The following MTHFD2L variants were observed in gnomAD, a reference collection of about 807,000 sequenced individuals.
MTHFD2L encodes the protein methylenetetrahydrofolate dehydrogenase (NADP+ dependent) 2 like, also known as bifunctional methylenetetrahydrofolate dehydrogenase/cyclohydrolase 2, mitochondrial.
Under a neutral mutation model 34.9 loss-of-function variants are expected in MTHFD2L, and 29 were observed. That is an observed-to-expected ratio of 0.83 (90% confidence interval 0.62 to 1.13). The LOEUF (loss-of-function observed/expected upper bound fraction) is 1.13, where lower values mean the gene tolerates loss of function less well. MTHFD2L is among the 50% of genes most tolerant of loss of function. MTHFD2L has a pLI of 0.00. For missense variants in MTHFD2L, 481 were observed against 446.5 expected, an observed-to-expected ratio of 1.08 and a Z score of -0.70; for synonymous variants, 167 against 155.7, an observed-to-expected ratio of 1.07 and a Z score of -0.54.
At chr4:74,289,288 G>A (rs1748586939) in intron 7 of MTHFD2L, among the ~76,000 whole-genome samples, 2 of 152,190 alleles carry the variant, frequency 1.3e-5, no homozygotes, top group African/African-American at 4.8e-5. Context: ...CTGAATAAAT[G>A]AAGAAGGGAG....
chr4:74,208,367 T>A (rs1578471358), intron 5 of MTHFD2L, among the ~76,000 whole-genome samples: 1 of 152,218 alleles, frequency 6.6e-6, no homozygotes, highest in East Asian at 1.9e-4. Context: ...ATTTAGTATC[T>A]GCACAGCACT....
intron 3 of MTHFD2L, chr4:74,195,282 G>T (rs1733279072): frequency 6.6e-6 from 1 of 152,174 alleles, no homozygotes; most frequent in South Asian, 2.1e-4. Flanking sequence ...ACATTGCAGG[G>T]TTTTGAGAAA....
At chr4:74,125,821 A>G (rs1306716493) in intron 1 of MTHFD2L, among the ~76,000 whole-genome samples, 1 of 152,196 alleles carries the variant, frequency 6.6e-6, no homozygotes, top group African/African-American at 2.4e-5. Context: ...TAAAAATTTT[A>G]CTTGTATTTA....
upstream of MTHFD2L, among the ~76,000 whole-genome samples, chr4:74,154,981 T>A (rs1724154254): frequency 6.6e-6 from 1 of 152,158 alleles, no homozygotes; most frequent in Non-Finnish European, 1.5e-5. Flanking sequence ...CTCCCATTGC[T>A]TATCTGTAAA....
At chr4:74,115,173 C>A (rs954898218) in intron 2 of MTHFD2L, among the ~76,000 whole-genome samples, 1 of 152,156 alleles carries the variant, frequency 6.6e-6, no homozygotes, top group East Asian at 1.9e-4. Flanking sequence ...AAATATCTAT[C>A]TGGTATAAAA....
At chr4:74,137,617 C>T (rs515780) in intron 1 of MTHFD2L, among the ~76,000 whole-genome samples, 151,169 of 152,318 alleles carry the variant, frequency 0.99, 75,027 homozygotes, top group East Asian at 1. Flanking sequence ...TGGGTATATA[C>T]ATTTAAAAAA....
intron 6 of MTHFD2L, chr4:74,268,109 C>T (rs927748699): frequency 3.0e-6 from 3 of 984,690 alleles, no homozygotes; most frequent in Non-Finnish European, 2.4e-6. Context: ...CTGCCACTGA[C>T]TCACTGGGTT....
chr4:74,229,820 A>C (rs941545737), intron 6 of MTHFD2L, among the ~76,000 whole-genome samples: 7 of 152,182 alleles, frequency 4.6e-5, no homozygotes, highest in Non-Finnish European at 8.8e-5. Context: ...TCCCTACTCA[A>C]AGCCAAATCT....
chr4:74,125,495 G>A (rs1346026248), exon 1 of MTHFD2L: 1 of 152,176 alleles, frequency 6.6e-6, no homozygotes, highest in Admixed American at 6.6e-5. Context: ...ATTTAAGAAG[G>A]TTGTGCAGAT....
intron 1 of MTHFD2L, among the ~76,000 whole-genome samples, chr4:74,159,530 T>A (rs538246656): frequency 5.3e-5 from 8 of 152,332 alleles, no homozygotes; most frequent in Admixed American, 2.0e-4. Flanking sequence ...TAGTACAACT[T>A]GATTAATTTC....
At chr4:74,170,084 C>T (rs1211737855) in intron 1 of MTHFD2L, among the ~76,000 whole-genome samples, 1 of 152,202 alleles carries the variant, frequency 6.6e-6, no homozygotes, top group Non-Finnish European at 1.5e-5. Context: ...TCTTTACACA[C>T]TCTTCCGGAA....
chr4:74,255,668 C>A (rs866114981), intron 6 of MTHFD2L, among the ~76,000 whole-genome samples: 10 of 152,084 alleles, frequency 6.6e-5, no homozygotes, highest in Middle Eastern at 3.2e-3. Flanking sequence ...TAGTAGTCTC[C>A]AGTGTCTACT....
chr4:74,133,779 T>G (rs1722715688), intron 1 of MTHFD2L, among the ~76,000 whole-genome samples: 1 of 152,126 alleles, frequency 6.6e-6, no homozygotes, highest in African/African-American at 2.4e-5. Context: ...AATTCTTAGT[T>G]ATAAAGTTCA....
At chr4:74,187,494 A>T (rs1731518858) in intron 3 of MTHFD2L, among the ~76,000 whole-genome samples, 1 of 152,230 alleles carries the variant, frequency 6.6e-6, no homozygotes, top group Admixed American at 6.5e-5. Context: ...CAAATGGTAA[A>T]TAAGCATATG....
At chr4:74,143,680 A>G (rs1447462300) in intron 1 of MTHFD2L, among the ~76,000 whole-genome samples, 3 of 152,216 alleles carry the variant, frequency 2.0e-5, no homozygotes, top group African/African-American at 7.2e-5. Flanking sequence ...ATCATACTAG[A>G]ACATTGGTAA....
At chr4:74,207,766 C>CTTTTTTTTTTT (rs768932793) in intron 5 of MTHFD2L, among the ~76,000 whole-genome samples, 19,710 of 125,750 alleles carry the variant, frequency 0.16, 1,986 homozygotes, top group Admixed American at 0.18. Context: ...TGAAAAAGAA[C>CTTTTTTTTTTT]TTTTTTTTTT....
At chr4:74,147,550 G>A (rs574312098) in intron 1 of MTHFD2L, among the ~76,000 whole-genome samples, 5 of 152,274 alleles carry the variant, frequency 3.3e-5, no homozygotes, top group African/African-American at 7.2e-5. Context: ...TCTCCATTCA[G>A]GCATTCATAA....
intron 6 of MTHFD2L, among the ~76,000 whole-genome samples, chr4:74,270,082 CT>C (rs915534839): frequency 6.6e-6 from 1 of 151,846 alleles, no homozygotes; most frequent in Non-Finnish European, 1.5e-5. Flanking sequence ...TTTAGGTATT[CT>C]TTTTTTAAAT....
At chr4:74,214,268 A>T (rs905144788) in intron 5 of MTHFD2L, among the ~76,000 whole-genome samples, 2 of 151,818 alleles carry the variant, frequency 1.3e-5, no homozygotes, top group Non-Finnish European at 2.9e-5. Context: ...AGGAATTGTG[A>T]TCCTTTGGAG....
Sources: allele counts gnomAD v4.1 joint callset (sites outside exome capture counted in the v4.1 genomes callset), GRCh38; gene constraint gnomAD v4.1.1; transcripts MANE v1.5; gene names NCBI Gene and HGNC (gene_info 2026-07-23, HGNC 2026-07-21).